CCSER1: variants seen among roughly 807,000 people sequenced by gnomAD.
CCSER1 encodes serine-rich coiled-coil domain-containing protein 1.
Under a neutral mutation model 82.0 loss-of-function variants are expected in CCSER1, and 41 were observed. That is an observed-to-expected ratio of 0.50 (90% CI 0.39 to 0.65). The LOEUF is 0.65. CCSER1 is among the 30% of genes least tolerant of loss of function. The pLI is 0.00. For missense variants in CCSER1, 1,119 were observed against 1,064.2 expected, an observed-to-expected ratio of 1.05 and a Z score of -0.72; for synonymous variants, 414 against 383.9, an observed-to-expected ratio of 1.08 and a Z score of -0.92.
intron 10 of CCSER1, among the ~76,000 whole-genome samples, chr4:91,481,629 C>T (rs532018419): frequency 1.3e-5 from 2 of 152,290 alleles, no homozygotes; most frequent in Admixed American, 1.3e-4. Context: ...GATTGGGCAA[C>T]ACTCTACAAA....
intron 10 of CCSER1, among the ~76,000 whole-genome samples, chr4:91,472,128 T>C (rs1757316282): frequency 6.6e-6 from 1 of 152,124 alleles, no homozygotes; most frequent in Admixed American, 6.6e-5. Flanking sequence ...CTTAGAGCTT[T>C]TATTTACCTA....
intron 9 of CCSER1, among the ~76,000 whole-genome samples, chr4:91,005,629 T>G (rs930204492): frequency 2.0e-5 from 3 of 152,214 alleles, no homozygotes; most frequent in Non-Finnish European, 2.9e-5. Flanking sequence ...TGCATATTGT[T>G]GTACAGCAGA....
At chr4:90,239,580 C>T (rs2153433535) in intron 1 of CCSER1, among the ~76,000 whole-genome samples, 1 of 152,304 alleles carries the variant, frequency 6.6e-6, no homozygotes, top group South Asian at 2.1e-4. Flanking sequence ...TGGTTCACTG[C>T]AGCTTCCAAC....
At chr4:90,734,144 G>T (rs1222110973) in intron 7 of CCSER1, among the ~76,000 whole-genome samples, 1 of 149,794 alleles carries the variant, frequency 6.7e-6, no homozygotes, top group Non-Finnish European at 1.5e-5. Context: ...TATTTATTTT[G>T]AGATGGAATC....
At chr4:91,280,146 AAGCATGCCTGTC>A (rs1388876389) in intron 10 of CCSER1, among the ~76,000 whole-genome samples, 1 of 152,206 alleles carries the variant, frequency 6.6e-6, no homozygotes, top group Non-Finnish European at 1.5e-5. Context: ...GTGGCAGGAC[AAGCATGCCTGTC>A]CTTGAGCCCC....
chr4:90,782,681 C>CTTTTTTTTTTTTTTTTTTTT (rs200701722), intron 7 of CCSER1, among the ~76,000 whole-genome samples: 1 of 123,978 alleles, frequency 8.1e-6, no homozygotes, highest in East Asian at 2.5e-4. Flanking sequence ...TCTTTTCTTT[C>CTTTTTTTTTTTTTTTTTTTT]TTTCTTTTTT....
intron 7 of CCSER1, among the ~76,000 whole-genome samples, chr4:90,755,996 G>A (rs541689508): frequency 3.9e-5 from 6 of 152,252 alleles, no homozygotes; most frequent in South Asian, 4.1e-4. Flanking sequence ...GAGGCCAAGA[G>A]GGGGTGGATC....
intron 9 of CCSER1, among the ~76,000 whole-genome samples, chr4:91,031,907 T>C (rs1289300513): frequency 2.0e-5 from 3 of 152,156 alleles, no homozygotes; most frequent in Non-Finnish European, 4.4e-5. Context: ...ATGTGTCATA[T>C]AGACATTTTT....
chr4:90,409,539 A>C (rs1754335557), intron 4 of CCSER1, among the ~76,000 whole-genome samples: 2 of 152,212 alleles, frequency 1.3e-5, no homozygotes, highest in South Asian at 4.1e-4. Context: ...TAAGCTTCAT[A>C]AGTGAAGGAG....
intron 10 of CCSER1, among the ~76,000 whole-genome samples, chr4:91,187,437 A>C (rs1407302365): frequency 6.6e-6 from 1 of 152,258 alleles, no homozygotes; most frequent in African/African-American, 2.4e-5. Flanking sequence ...AAGTAAGTAA[A>C]TAAAAACAAA....
chr4:91,018,172 T>A (rs1739606841), intron 9 of CCSER1, among the ~76,000 whole-genome samples: 1 of 152,142 alleles, frequency 6.6e-6, no homozygotes, highest in Admixed American at 6.5e-5. Context: ...TTTCATCTAT[T>A]TATTTAGCTC....
At chr4:90,584,660 G>A (rs1781790677) in intron 5 of CCSER1, among the ~76,000 whole-genome samples, 1 of 152,124 alleles carries the variant, frequency 6.6e-6, no homozygotes, top group South Asian at 2.1e-4. Context: ...TATAAATTTA[G>A]CCAGGAAAAT....
At chr4:91,571,715 G>C (rs1269605868) in intron 10 of CCSER1, among the ~76,000 whole-genome samples, 1 of 152,132 alleles carries the variant, frequency 6.6e-6, no homozygotes, top group Non-Finnish European at 1.5e-5. Flanking sequence ...GATTTGAGTG[G>C]GGACACAGCT....
intron 10 of CCSER1, among the ~76,000 whole-genome samples, chr4:91,354,450 G>A (rs758897343): frequency 2.6e-5 from 4 of 152,270 alleles, no homozygotes; most frequent in Middle Eastern, 3.4e-3. Context: ...CTGTGGGGCC[G>A]TCCAGTCCTG....
In CCSER1 at chr4:91,232,711, G is replaced by A. The variant is rs184647329; in HGVS notation, c.2217+146717G>A. ...TACTTAGAACCCAAATAAAATACTTGTATAAAGACAAAATTTTAATGTTAA... is the reference window on the plus strand; with the variant it reads ...TACTTAGAACCCAAATAAAATACTTATATAAAGACAAAATTTTAATGTTAA... On this transcript the variant is annotated intron_variant, in intron 10 of 10. Coordinates refer to ENST00000509176, the MANE Select transcript of CCSER1 (RefSeq NM_001145065.2). Among the ~76,000 whole-genome samples, 641 of 151,700 alleles carry A rather than the reference G, an allele frequency of 4.2e-3. 5 individuals are homozygous for A. The highest frequency in any genetic ancestry group is 0.014 in the African/African-American group (596 of 41,454).
intron 9 of CCSER1, among the ~76,000 whole-genome samples, chr4:91,037,810 G>A (rs1741583438): frequency 6.6e-6 from 1 of 151,638 alleles, no homozygotes; most frequent in Non-Finnish European, 1.5e-5. Flanking sequence ...AATAACTACA[G>A]AATATCTATA....
At chr4:90,223,718 T>G (rs1260991403) in intron 1 of CCSER1, among the ~76,000 whole-genome samples, 2 of 152,208 alleles carry the variant, frequency 1.3e-5, no homozygotes, top group African/African-American at 2.4e-5. Context: ...TTCAGTGAAA[T>G]AATTTTGGAT....
At chr4:91,001,524 A>G (rs1471043145) in intron 9 of CCSER1, among the ~76,000 whole-genome samples, 3 of 152,002 alleles carry the variant, frequency 2.0e-5, no homozygotes, top group Admixed American at 6.6e-5. Flanking sequence ...ACAATTTCTC[A>G]CTTGTCTTCT....
chr4:90,533,738 A>T (rs1255792863), intron 5 of CCSER1, among the ~76,000 whole-genome samples: 1 of 152,168 alleles, frequency 6.6e-6, no homozygotes, highest in Non-Finnish European at 1.5e-5. Context: ...TTTATTTTTT[A>T]AGGTGGAGAA....
Sources: gnomAD v4.1 joint callset for allele counts (sites outside exome capture counted in the v4.1 genomes callset) on GRCh38, gnomAD v4.1.1 for gene constraint, MANE v1.5 for transcripts, NCBI Gene and HGNC (gene_info 2026-07-23, HGNC 2026-07-21) for gene names.